ARHGAP10: variants seen among roughly 807,000 people sequenced by gnomAD.
ARHGAP10 encodes the protein Rho GTPase activating protein 10.
ARHGAP10 carries 87 observed loss-of-function variants against 108.6 expected under a neutral mutation model. That is an observed-to-expected ratio of 0.80 (90% CI 0.67 to 0.96). ARHGAP10 has a LOEUF of 0.96. Among genes scored for constraint, ARHGAP10 ranks in the 40% least tolerant of loss-of-function variants. The probability of loss-of-function intolerance (pLI) is 0.00; values close to 1 mark genes in which losing one functional copy is unlikely to be tolerated. For synonymous variants in ARHGAP10, 347 were observed against 341.1 expected (o/e 1.02, Z -0.19); for missense variants, 939 against 954.5 (o/e 0.98, Z 0.21).
chr4:147,910,048 C>T (rs1055634926), intron 12 of ARHGAP10, among the ~76,000 whole-genome samples: 2 of 151,990 alleles, frequency 1.3e-5, no homozygotes, highest in African/African-American at 4.8e-5. Flanking sequence ...TGCTCTGTTG[C>T]CCAGGCTGCA....
intron 1 of ARHGAP10, among the ~76,000 whole-genome samples, chr4:147,757,465 G>T (rs545307317): frequency 6.6e-6 from 1 of 152,118 alleles, no homozygotes; most frequent in Non-Finnish European, 1.5e-5. Flanking sequence ...CAAAGTGCTC[G>T]GATTACAGGT....
chr4:147,873,829 C>T lies in ARHGAP10; in HGVS notation c.703-1192C>T, dbSNP rs1352277786. 2.0e-5 allele frequency among the ~76,000 whole-genome samples: 3 copies of T among 149,216 alleles called. No homozygotes were observed. In the Admixed American group the frequency reaches 2.0e-4, roughly 10 times the overall value. ...GGTTGAGGCTGTGATGAGGTATTATCATGCCACTGTACTCCAGCCTGGGAG... is the reference window on the plus strand; with the variant it reads ...GGTTGAGGCTGTGATGAGGTATTATTATGCCACTGTACTCCAGCCTGGGAG... On this transcript the variant is annotated intron_variant, in intron 7 of 22. Transcript: ENST00000336498.
At chr4:147,742,320 C>T (rs1728713127) in intron 1 of ARHGAP10, among the ~76,000 whole-genome samples, 1 of 151,924 alleles carries the variant, frequency 6.6e-6, no homozygotes, top group Non-Finnish European at 1.5e-5. Flanking sequence ...GGTATTTAAT[C>T]CTCACATTAC....
rs140860373 is a variant in ARHGAP10, at chr4:148,064,427, G to A, written c.2192G>A (p.Arg731Gln). ...CTCTTTCTTTTCAGCATCCGCAGTCGGAAGGCTCGAGCCGTGTATCCGTGT... is the reference window on the plus strand; with the variant it reads ...CTCTTTCTTTTCAGCATCCGCAGTCAGAAGGCTCGAGCCGTGTATCCGTGT... Reference protein sequence around the residue: ...ADKPPESIRSRKARAVYPCEA... With the variant: ...ADKPPESIRSQKARAVYPCEA... The change falls in exon 22 of 23, where the codon CGG becomes CAG. Residue 731 changes from arginine to glutamine, a missense_variant. Physicochemically the swap from Arg to Gln is conservative, Grantham distance 43. Transcript: ENST00000336498. 284 of 1,613,432 alleles carry A rather than the reference G, an allele frequency of 1.8e-4. 1 individual carries two copies. The African/African-American group carries it at 3.4e-3, about 19-fold the overall frequency.
At position 147,996,276 on chromosome 4, in the gene ARHGAP10, G is replaced by A. The variant is rs142937455; in HGVS notation, c.1717-26987G>A. ...AGCCATCTCCAGCAATAAACAGAAA[G>A]GCAGTCGAAAACAAAACATCAAAAT... On this transcript the variant is annotated intron_variant, in intron 18 of 22. Coordinates refer to ENST00000336498, the MANE Select transcript of ARHGAP10 (RefSeq NM_024605.4). 6.5e-4 allele frequency among the ~76,000 whole-genome samples: 99 copies of A among 152,212 alleles called. 1 individual carries two copies. In the East Asian group the frequency reaches 0.018, roughly 28 times the overall value.
rs766666015 is a variant in ARHGAP10, at chr4:148,029,665, AT to A, written c.1867+6261del. Among the ~76,000 whole-genome samples, 8 of 151,512 alleles carry A rather than the reference AT, an allele frequency of 5.3e-5. No individual in the cohort carries two copies. The East Asian group carries it at 5.8e-4, about 11-fold the overall frequency. ...GTCTGTCTTTTCTCCATGCTTACCA[AT>A]TTTTTTTTGGCATGGCATTTCATGG... is the stretch of plus-strand genomic sequence containing the variant. On this transcript the variant is annotated intron_variant, in intron 19 of 22. Coordinates refer to ENST00000336498, the MANE Select transcript of ARHGAP10 (RefSeq NM_024605.4).
At chr4:148,046,052 C>A (rs1286150281) in intron 19 of ARHGAP10, among the ~76,000 whole-genome samples, 1 of 152,186 alleles carries the variant, frequency 6.6e-6, no homozygotes, top group Non-Finnish European at 1.5e-5. Context: ...AGGATTAGGC[C>A]AAAGGGCCAA....
rs750633012 is a variant in ARHGAP10, at chr4:148,072,091, TCA to T, written c.*11_*12del. On this transcript the variant is annotated 3_prime_UTR_variant, in exon 23 of 23. Transcript: ENST00000336498. ...CGTCAAGCTGCTGTAGCTCCTGGCCTCAGAGCCCCTGCTGACCCTGGCACCCA... is the reference window on the plus strand; with the variant it reads ...CGTCAAGCTGCTGTAGCTCCTGGCCTGAGCCCCTGCTGACCCTGGCACCCA... 1 of 1,608,044 alleles carries T rather than the reference TCA, an allele frequency of 6.2e-7. No homozygotes were observed. The highest frequency in any genetic ancestry group is 1.3e-5 in the African/African-American group (1 of 74,730).
intron 1 of ARHGAP10, among the ~76,000 whole-genome samples, chr4:147,738,333 C>T (rs1366135668): frequency 2.6e-5 from 4 of 151,990 alleles, no homozygotes; most frequent in East Asian, 1.9e-4. Context: ...GGGCGGATCA[C>T]GAGGTCAGGA....
At chr4:147,793,510 G>A (rs76953492) in intron 1 of ARHGAP10, among the ~76,000 whole-genome samples, 1 of 151,910 alleles carries the variant, frequency 6.6e-6, no homozygotes, top group Non-Finnish European at 1.5e-5. Context: ...GAAAGGAGGA[G>A]TTGGACCTGG....
At chr4:147,781,007 G>C (rs1730508783) in intron 1 of ARHGAP10, among the ~76,000 whole-genome samples, 1 of 152,164 alleles carries the variant, frequency 6.6e-6, no homozygotes, top group South Asian at 2.1e-4. Context: ...ATTTGCATTT[G>C]ATGGTGGGAA....
chr4:147,786,270 A>G (rs906343203), intron 1 of ARHGAP10, among the ~76,000 whole-genome samples: 3 of 152,306 alleles, frequency 2.0e-5, no homozygotes, highest in Admixed American at 6.5e-5. Context: ...TCATGTTACT[A>G]TGAAAACAGA....
chr4:147,845,657 T>C (rs1391787723), intron 3 of ARHGAP10, among the ~76,000 whole-genome samples: 1 of 152,138 alleles, frequency 6.6e-6, no homozygotes, highest in East Asian at 1.9e-4. Flanking sequence ...CTTTCTTGAG[T>C]GTACCAGTTT....
chr4:147,811,589 T>TA (rs1732020277), intron 1 of ARHGAP10, among the ~76,000 whole-genome samples: 1 of 146,968 alleles, frequency 6.8e-6, no homozygotes, highest in African/African-American at 2.5e-5. Flanking sequence ...ATGGCTTTTT[T>TA]TAAAAAAAAA....
chr4:147,943,102 C>G (rs541028784), intron 14 of ARHGAP10, among the ~76,000 whole-genome samples: 2 of 152,300 alleles, frequency 1.3e-5, no homozygotes, highest in East Asian at 3.9e-4. Flanking sequence ...TACAATAGTT[C>G]ATGGTAGATT....
chr4:147,938,112 T>C (rs561858492), intron 13 of ARHGAP10, among the ~76,000 whole-genome samples: 2 of 152,052 alleles, frequency 1.3e-5, no homozygotes, highest in Non-Finnish European at 2.9e-5. Context: ...AATGCAGGAA[T>C]AGAAAACCAA....
chr4:147,958,561 G>A (rs1429195714), intron 16 of ARHGAP10, among the ~76,000 whole-genome samples: 1 of 152,170 alleles, frequency 6.6e-6, no homozygotes, highest in African/African-American at 2.4e-5. Context: ...TTCTTGCTGG[G>A]GAAGGGCTTA....
At chr4:148,006,208 GC>G (rs1405622738) in intron 18 of ARHGAP10, among the ~76,000 whole-genome samples, 1 of 152,222 alleles carries the variant, frequency 6.6e-6, no homozygotes, top group Non-Finnish European at 1.5e-5. Flanking sequence ...GGAAGCCCAT[GC>G]TCACCGTGTA....
chr4:148,064,650 G>A (rs557559715), intron 22 of ARHGAP10, 143 bp downstream of exon 22: 8 of 709,000 alleles, frequency 1.1e-5, no homozygotes, highest in Admixed American at 9.3e-5. Context: ...AAGCGGCTGC[G>A]TTAGGCTCCC....
Sources: gnomAD v4.1 joint callset for allele counts (sites outside exome capture counted in the v4.1 genomes callset) on GRCh38, gnomAD v4.1.1 for gene constraint, MANE v1.5 for transcripts, NCBI Gene and HGNC (gene_info 2026-07-23, HGNC 2026-07-21) for gene names.